Variants in C12orf60 observed in about 807,000 individuals in gnomAD.
The protein encoded by C12orf60 is chromosome 12 open reading frame 60, also known as uncharacterized protein C12orf60.
For missense variants in C12orf60, 284 were observed against 283.2 expected (o/e 1.00, Z -0.02); for synonymous variants, 102 against 94.6 (o/e 1.08, Z -0.45).
intron 1 of C12orf60, among the ~76,000 whole-genome samples, chr12:14,820,366 AT>A (rs1950287273): frequency 6.6e-6 from 1 of 150,814 alleles, no homozygotes; most frequent in Non-Finnish European, 1.5e-5. Flanking sequence ...ACTCTTTATT[AT>A]TTTTTCCTTT....
At position 14,823,152 on chromosome 12, in the gene C12orf60, G is replaced by A. The variant is rs1349677531; in HGVS notation, c.217G>A (p.Val73Ile). The change falls in exon 2 of 2, where the codon GTA becomes ATA. Residue 73 changes from valine to isoleucine, a missense_variant. Coordinates refer to ENST00000330828, the MANE Select transcript of C12orf60 (RefSeq NM_175874.4). The part of the protein sequence containing the change: ...MLKIFKEMQS[V>I]VDARHDKIQK... ...CAAAATTTTTAAGGAGATGCAATCT[G>A]TAGTGGATGCAAGACATGACAAAAT... 1 of 1,614,194 alleles carries A rather than the reference G, an allele frequency of 6.2e-7. No homozygotes were observed. The highest frequency in any genetic ancestry group is 8.5e-7 in the Non-Finnish European group (1 of 1,180,020).
chr12:14,807,151 A>G (rs1168263223), intron 1 of C12orf60, among the ~76,000 whole-genome samples: 1 of 152,154 alleles, frequency 6.6e-6, no homozygotes, highest in East Asian at 1.9e-4. Context: ...TCTTTAAAAC[A>G]GTTATTTTTA....
chr12:14,821,755 C>T (rs1380596279), intron 1 of C12orf60, among the ~76,000 whole-genome samples: 3 of 151,662 alleles, frequency 2.0e-5, no homozygotes, highest in Non-Finnish European at 2.9e-5. Flanking sequence ...GTCCCCTTTC[C>T]TGGTGTTCTG....
intron 1 of C12orf60, among the ~76,000 whole-genome samples, chr12:14,817,635 C>G (rs560171736): frequency 3.9e-5 from 6 of 152,330 alleles, no homozygotes; most frequent in African/African-American, 1.2e-4. Flanking sequence ...CTGGCTTCAT[C>G]CATGTCCCTG....
At position 14,823,202 on chromosome 12, in the gene C12orf60, G is replaced by T; in HGVS notation, c.267G>T (p.Lys89Asn). Residue 89 changes from lysine to asparagine, a missense_variant, in exon 2 of 2, where the codon AAG (lysine) becomes AAT (asparagine). Lys to Asn is a moderately conservative substitution (Grantham distance 94). Coordinates refer to ENST00000330828, the MANE Select transcript of C12orf60 (RefSeq NM_175874.4). ...DKIQKESLCSKVAMAMCSVVQ... is the reference protein window; with the variant it reads ...DKIQKESLCSNVAMAMCSVVQ... The stretch of plus-strand genomic sequence containing the variant: ...TTCAAAAGGAGTCTTTATGTTCCAA[G>T]GTTGCAATGGCCATGTGCTCTGTGG... 6.2e-7 allele frequency: 1 copy of T among 1,614,166 alleles called. No individual in the cohort carries two copies. Among genetic ancestry groups the T allele is most frequent in the Non-Finnish European group, 8.5e-7 (1 of 1,180,026 alleles).
rs554648075 is a variant in C12orf60 at position 14,812,307 on chromosome 12, G to A, written c.-25+8556G>A. Reference sequence around the variant, plus strand: ...AAAATACAAAAAATTAGCCGGGCGCGGTGGCGGGCGCCTGTAGTCCCAGCT... The same window carrying A: ...AAAATACAAAAAATTAGCCGGGCGCAGTGGCGGGCGCCTGTAGTCCCAGCT... On this transcript the variant is annotated intron_variant, in intron 1 of 1. Coordinates refer to ENST00000330828, the MANE Select transcript of C12orf60 (RefSeq NM_175874.4). Among the ~76,000 whole-genome samples, 153 of 152,322 alleles carry A rather than the reference G, an allele frequency of 1.0e-3. No homozygotes were observed. The Middle Eastern group carries it at 0.017, about 17-fold the overall frequency.
At chr12:14,807,387 G>A (rs190723135) in intron 1 of C12orf60, among the ~76,000 whole-genome samples, 30 of 152,024 alleles carry the variant, frequency 2.0e-4, no homozygotes, top group African/African-American at 6.3e-4. Context: ...TTAGTTTCCC[G>A]AACCCCTAGT....
intron 1 of C12orf60, chr12:14,805,886 G>T: frequency 9.4e-7 from 1 of 1,067,148 alleles, no homozygotes; most frequent in Non-Finnish European, 1.4e-6. Context: ...TCTCCAAATT[G>T]TTTATCTTAT....
chr12:14,805,783 T>C, intron 1 of C12orf60: 1 of 526,194 alleles, frequency 1.9e-6, no homozygotes, highest in Middle Eastern at 5.0e-4. Context: ...AGGGAGAAAA[T>C]TTTTTTACCT....
chr12:14,818,012 T>A (rs1950249804), intron 1 of C12orf60, among the ~76,000 whole-genome samples: 1 of 152,218 alleles, frequency 6.6e-6, no homozygotes, highest in South Asian at 2.1e-4. Flanking sequence ...GACTTTTTAA[T>A]AATCTCCATT....
chr12:14,822,436 G>C (rs1019374880), intron 1 of C12orf60, among the ~76,000 whole-genome samples: 1 of 152,168 alleles, frequency 6.6e-6, no homozygotes, highest in East Asian at 1.9e-4. Flanking sequence ...TTGGCCTTCT[G>C]TCATCCACCT....
At chr12:14,817,675 G>A (rs1485803166) in intron 1 of C12orf60, among the ~76,000 whole-genome samples, 1 of 152,150 alleles carries the variant, frequency 6.6e-6, no homozygotes, top group African/African-American at 2.4e-5. Flanking sequence ...CCTTTTTATG[G>A]CTGCATGGTA....
In C12orf60 at chr12:14,823,832, T is replaced by C. The variant is rs1246109308; in HGVS notation, c.*159T>C. 6 of 552,428 alleles carry C rather than the reference T, an allele frequency of 1.1e-5. No homozygotes were observed. Among genetic ancestry groups the C allele is most frequent in the African/African-American group, 9.8e-5 (5 of 50,912 alleles). 34.2% of individuals were successfully genotyped at this position (552,428 alleles called of 1,614,324 possible). ...AACATTTACCTGTAGTTTTGCTTTA[T>C]TAAAATAAAAAGAAATAATTAAGAA... On this transcript the variant is annotated 3_prime_UTR_variant, in exon 2 of 2. Transcript: ENST00000330828.
In C12orf60 at chr12:14,806,675, G is replaced by A. The variant is rs1950056947; in HGVS notation, c.-25+2924G>A. 3 of 1,576,942 alleles carry A rather than the reference G, an allele frequency of 1.9e-6. No individual in the cohort carries two copies. The South Asian group carries it at 3.5e-5, about 18-fold the overall frequency. On this transcript the variant is annotated intron_variant, in intron 1 of 1. Transcript: ENST00000330828. ...TCTCTGGGTAAAGGAAGTCACTTTGGGCCATATTTCCAATATGATCGCTGA... is the reference window on the plus strand; with the variant it reads ...TCTCTGGGTAAAGGAAGTCACTTTGAGCCATATTTCCAATATGATCGCTGA...
At chr12:14,807,497 T>A (rs1429861694) in intron 1 of C12orf60, among the ~76,000 whole-genome samples, 1 of 152,238 alleles carries the variant, frequency 6.6e-6, no homozygotes, top group Non-Finnish European at 1.5e-5. Flanking sequence ...TTTACAGGGC[T>A]GTTTTTTGTA....
At chr12:14,816,538 T>C (rs1950221568) in intron 1 of C12orf60, among the ~76,000 whole-genome samples, 1 of 152,146 alleles carries the variant, frequency 6.6e-6, no homozygotes. Context: ...ACTTCCCAGT[T>C]TGGTAGTGTA....
intron 1 of C12orf60, chr12:14,806,752 G>T (rs1950058651): frequency 7.0e-7 from 1 of 1,424,924 alleles, no homozygotes. Context: ...TCTGCTAACT[G>T]TGTAGAAGGG....
intron 1 of C12orf60, chr12:14,806,344 C>G (rs1950049267): frequency 2.5e-6 from 4 of 1,614,106 alleles, no homozygotes; most frequent in Admixed American, 3.3e-5. Context: ...ACCTTTTGCA[C>G]TATTGCAATT....
intron 1 of C12orf60, among the ~76,000 whole-genome samples, chr12:14,816,814 G>A (rs1423871318): frequency 6.9e-6 from 1 of 144,888 alleles, no homozygotes; most frequent in Non-Finnish European, 1.5e-5. Flanking sequence ...GTGCCATCTT[G>A]GCTCACTGCA....
Sources: allele counts gnomAD v4.1 joint callset (sites outside exome capture counted in the v4.1 genomes callset), GRCh38; gene constraint gnomAD v4.1.1; transcripts MANE v1.5; gene names NCBI Gene and HGNC (gene_info 2026-07-23, HGNC 2026-07-21).